Variants in RPS14 observed in about 807,000 individuals in gnomAD.
RPS14 encodes ribosomal protein S14, also known as small ribosomal subunit protein uS11.
RPS14 carries 1 observed loss-of-function variant against 15.4 expected under a neutral mutation model. That is an observed-to-expected ratio of 0.07 (90% CI 0.02 to 0.31). The LOEUF is 0.31. Ranked by LOEUF, RPS14 falls within the 10% of genes least tolerant of loss-of-function variation. RPS14 has a pLI of 1.00. For missense variants in RPS14, 69 were observed against 205.5 expected (o/e 0.34, Z 4.06); for synonymous variants, 68 against 74.4 (o/e 0.91, Z 0.44).
intron 1 of RPS14, chr5:150,449,300 T>G (rs1771200972): frequency 6.6e-6 from 1 of 152,204 alleles, no homozygotes; most frequent in Non-Finnish European, 1.5e-5. Flanking sequence ...TATTCCTATT[T>G]TGCAAACGAG....
chr5:150,447,125 G>C, intron 2 of RPS14, 162 bp from the exon 3 acceptor site: 2 of 683,988 alleles, frequency 2.9e-6, no homozygotes, highest in East Asian at 5.3e-5. Flanking sequence ...GCCCAATATA[G>C]CTATACTCAG....
chr5:150,445,676 G>A lies in RPS14; in HGVS notation c.321C>T (p.Thr107=), dbSNP rs148175196. 211 of 1,607,312 alleles carry A rather than the reference G, an allele frequency of 1.3e-4. No homozygotes were observed. Among genetic ancestry groups the A allele is most frequent in the Non-Finnish European group, 1.5e-4 (176 of 1,178,364 alleles). ...LRATGGNRTK[T]PGPGAQSALR... is the part of the protein sequence containing the mutation. The stretch of plus-strand genomic sequence containing the variant: ...GGGCCGACTGGGCCCCAGGTCCAGG[G>A]GTCTTGGTCCTAGAAAATGAAGGTT... Residue 107 remains threonine (T), a synonymous_variant, in exon 4 of 5, where the codon ACC becomes ACT. Coordinates refer to ENST00000407193, the MANE Select transcript of RPS14 (RefSeq NM_005617.4).
In RPS14 at chr5:150,445,690, A is replaced by C; in HGVS notation, c.312-5T>G. ...CCAGGTCCAGGGGTCTTGGTCCTAG[A>C]AAATGAAGGTTTAAGTTAAGAAGAG... On this transcript the variant is annotated splice_region_variant and splice_polypyrimidine_tract_variant and intron_variant, in intron 3 of 4. Coordinates refer to ENST00000407193, the MANE Select transcript of RPS14 (RefSeq NM_005617.4). 1.9e-6 allele frequency: 3 copies of C among 1,605,144 alleles called. No homozygotes were observed. Among genetic ancestry groups the C allele is most frequent in the Non-Finnish European group, 2.5e-6 (3 of 1,177,180 alleles).
chr5:150,445,387 A>G, intron 4 of RPS14: 1 of 691,752 alleles, frequency 1.4e-6, no homozygotes, highest in South Asian at 1.5e-5. Context: ...CAGGCAGTGT[A>G]GGACAGAGAT....
At chr5:150,448,669 A>C (rs1771176882) in intron 1 of RPS14, 1 of 152,348 alleles carries the variant, frequency 6.6e-6, no homozygotes, top group Non-Finnish European at 1.5e-5. Flanking sequence ...GGCAAAACCA[A>C]ACATAGAAAC....
At chr5:150,447,058 G>A (rs1771121013) in intron 2 of RPS14, 95 bp from the exon 3 acceptor site, 1 of 1,434,314 alleles carries the variant, frequency 7.0e-7, no homozygotes, top group Middle Eastern at 1.8e-4. Flanking sequence ...CAGTCATGGT[G>A]GAGGATGATG....
In RPS14 at chr5:150,446,548, C is replaced by T. The variant is rs1771103044; in HGVS notation, c.311+254G>A. The stretch of plus-strand genomic sequence containing the variant: ...GACTCTCCCACCAGCCTCGGTCCCA[C>T]ACAAGGAGGGTAGAGACCATGTCTG... On this transcript the variant is annotated intron_variant, in intron 3 of 4. Transcript: ENST00000407193. The surrounding 1 kb of genome is among the most constrained non-coding windows in gnomAD (Gnocchi z 4.2). 6.6e-6 allele frequency among the ~76,000 whole-genome samples: 1 copy of T among 152,212 alleles called. No individual in the cohort carries two copies. The highest frequency in any genetic ancestry group is 6.5e-5 in the Admixed American group (1 of 15,276).
chr5:150,445,615 G>T lies in RPS14; in HGVS notation c.382C>A (p.Arg128=). The T allele has an allele frequency of 6.2e-7, 1 of 1,612,964 alleles. No homozygotes were observed. Among genetic ancestry groups the T allele is most frequent in the South Asian group, 1.1e-5 (1 of 90,968 alleles). Residue 128 remains arginine, a synonymous_variant, in exon 4 of 5, where the codon CGG becomes AGG. Coordinates refer to ENST00000407193, the MANE Select transcript of RPS14 (RefSeq NM_005617.4). ...GCTAGAGGGGGGCACTTACCAATCC[G>T]CCCGATCTTCATACCCGAGCGGGCA... The part of the protein sequence containing the change: ...ALARSGMKIG[R]IEDVTPIPSD...
Position 150,446,949 on chromosome 5 carries a change from C to T in RPS14, c.164G>A (p.Arg55His). ...TDLSGKETIC[R>H]VTGGMKVKAD... is the part of the protein sequence containing the mutation. ...CTTTACCTTCATCCCACCAGTCACACGGCAGATGGTTTCCCTGGGGACAAA... is the reference window on the plus strand; with the variant it reads ...CTTTACCTTCATCCCACCAGTCACATGGCAGATGGTTTCCCTGGGGACAAA... The change falls in exon 3 of 5, where the codon CGT (arginine) becomes CAT (histidine). Residue 55 changes from arginine to histidine, a missense_variant. Transcript: ENST00000407193. The surrounding 1 kb of genome is among the most constrained non-coding windows in gnomAD (Gnocchi z 4.2). 2 of 1,614,120 alleles carry T rather than the reference C, an allele frequency of 1.2e-6. No individual in the cohort carries two copies. The highest frequency in any genetic ancestry group is 8.5e-7 in the Non-Finnish European group (1 of 1,180,010).
In RPS14 at chr5:150,444,217, A is replaced by C; in HGVS notation, c.*69T>G. ...GCCTGAGTAGCCCCTGATGAAGGAG[A>C]GAAGGCTGGAGTTGAAACAGTTTAC... On this transcript the variant is annotated 3_prime_UTR_variant, in exon 5 of 5. Coordinates refer to ENST00000407193, the MANE Select transcript of RPS14 (RefSeq NM_005617.4). 2 of 1,542,550 alleles carry C rather than the reference A, an allele frequency of 1.3e-6. No individual in the cohort carries two copies. Among genetic ancestry groups the C allele is most frequent in the African/African-American group, 1.4e-5 (1 of 73,294 alleles).
rs2151201426 is a variant in RPS14, at chr5:150,447,565, C to T, written c.149+20G>A. 6.2e-7 allele frequency: 1 copy of T among 1,611,588 alleles called. No homozygotes were observed. The highest frequency in any genetic ancestry group is 8.5e-7 in the Non-Finnish European group (1 of 1,179,304). On this transcript the variant is annotated intron_variant, in intron 2 of 4. Coordinates refer to ENST00000407193, the MANE Select transcript of RPS14 (RefSeq NM_005617.4). The stretch of plus-strand genomic sequence containing the variant: ...CCTCAGCCTTTTGCCAGCTGGATGC[C>T]TCTCCACCCAGGTACTCACTTGCCA...
In RPS14 at chr5:150,444,626, T is replaced by C. The variant is rs1771034416; in HGVS notation, c.389-273A>G. The C allele has an allele frequency of 1.1e-5, 7 of 636,930 alleles. 1 individual carries two copies. The Admixed American group carries it at 1.5e-4, about 13-fold the overall frequency. 39.5% of individuals were successfully genotyped at this position (636,930 alleles called of 1,614,324 possible). A position where few individuals can be genotyped will look rare whatever the true frequency, so the allele number is the denominator to read the frequency against. On this transcript the variant is annotated intron_variant, in intron 4 of 4. Coordinates refer to ENST00000407193, the MANE Select transcript of RPS14 (RefSeq NM_005617.4). ...CAGGACAAATCCAGGTTCTGACATC[T>C]AGCCCACCGTCTTCTCTAGAGGAAA...
At position 150,447,902 on chromosome 5, in the gene RPS14, T is replaced by G. The variant is rs1771151991; in HGVS notation, c.-2-167A>C. On this transcript the variant is annotated intron_variant, in intron 1 of 4. Coordinates refer to ENST00000407193, the MANE Select transcript of RPS14 (RefSeq NM_005617.4). ...TGCCTCACTAAAACTTCTTTCTCCT[T>G]GCACTTGGGGGGGTATCAACTGTGG... 6 of 724,952 alleles carry G rather than the reference T, an allele frequency of 8.3e-6. No individual in the cohort carries two copies. In the Admixed American group the frequency reaches 1.8e-4, roughly 21 times the overall value. The allele number at this position is 724,952 out of a possible 1,614,324, so 44.9% of individuals were successfully genotyped here.
rs1022195123 is a variant in RPS14 at position 150,447,270 on chromosome 5, C to T, written c.150-307G>A. 3 of 529,034 alleles carry T rather than the reference C, an allele frequency of 5.7e-6. No homozygotes were observed. The African/African-American group carries it at 5.7e-5, about 10-fold the overall frequency. The allele number at this position is 529,034 out of a possible 1,614,324, so 32.8% of individuals were successfully genotyped here. On this transcript the variant is annotated intron_variant, in intron 2 of 4. Transcript: ENST00000407193. ...GTGATTTCACACAAGTCACAACTTG[C>T]TAAATGGCCGTCGAACCCGCACCCA...
rs79409809 is a variant in RPS14, at chr5:150,443,488, C to G, written c.*798G>C. On this transcript the variant is annotated 3_prime_UTR_variant, in exon 5 of 5. Coordinates refer to ENST00000407193, the MANE Select transcript of RPS14 (RefSeq NM_005617.4). ...CCATCAAAGGCTAAAAGCAGCATCC[C>G]AACAGATTTTCCCCTCTTGCTGGTT... 6.6e-6 allele frequency: 1 copy of G among 152,398 alleles called. No individual in the cohort carries two copies. The highest frequency in any genetic ancestry group is 2.4e-5 in the African/African-American group (1 of 41,582). 9.4% of individuals were successfully genotyped at this position (152,398 alleles called of 1,614,324 possible). A position where few individuals can be genotyped will look rare whatever the true frequency, so the allele number is the denominator to read the frequency against.
chr5:150,448,249 T>C (rs1020316773), intron 1 of RPS14: 1 of 152,730 alleles, frequency 6.5e-6, no homozygotes, highest in African/African-American at 2.4e-5. Flanking sequence ...TGTTCAAAAA[T>C]GCAACTGATT....
rs1771121667 is a variant in RPS14 at position 150,447,071 on chromosome 5, C to T, written c.150-108G>A. The stretch of plus-strand genomic sequence containing the variant: ...CTCAGTCATGGTGGAGGATGATGGT[C>T]ATGGGCTCTGCCCTCATGGAGTTCA... On this transcript the variant is annotated intron_variant, in intron 2 of 4. Transcript: ENST00000407193. 9 of 1,347,532 alleles carry T rather than the reference C, an allele frequency of 6.7e-6. No individual in the cohort carries two copies. The Middle Eastern group carries it at 7.4e-4, about 110-fold the overall frequency. 83.5% of individuals were successfully genotyped at this position (1,347,532 alleles called of 1,614,324 possible). A position where few individuals can be genotyped will look rare whatever the true frequency, so the allele number is the denominator to read the frequency against.
intron 4 of RPS14, chr5:150,445,317 T>C (rs766054657): frequency 1.3e-5 from 7 of 549,120 alleles, no homozygotes; most frequent in Non-Finnish European, 2.0e-5. Context: ...AAAATGCTAA[T>C]AGCAATGACC....
Position 150,444,249 on chromosome 5 carries a change from G to A in RPS14, c.*37C>T. 1 of 1,592,386 alleles carries A rather than the reference G, an allele frequency of 6.3e-7. No individual in the cohort carries two copies. The highest frequency in any genetic ancestry group is 8.6e-7 in the Non-Finnish European group (1 of 1,167,618). ...TGGAGTTGAAACAGTTTACATGAAG[G>A]CAATTTATTAACAGAAAATATTTTG... On this transcript the variant is annotated 3_prime_UTR_variant, in exon 5 of 5. Coordinates refer to ENST00000407193, the MANE Select transcript of RPS14 (RefSeq NM_005617.4).
Sources: gnomAD v4.1 joint callset for allele counts (sites outside exome capture counted in the v4.1 genomes callset) on GRCh38, gnomAD v4.1.1 for gene constraint, Gnocchi (gnomAD v3.1) non-coding constraint, MANE v1.5 for transcripts, NCBI Gene and HGNC (gene_info 2026-07-23, HGNC 2026-07-21) for gene names.